SERPINA12: variants seen among roughly 807,000 people sequenced by gnomAD.
The protein encoded by SERPINA12 is serpin A12.
In SERPINA12, 21 loss-of-function variants were observed where a neutral mutation model predicts 25.9. That is an observed-to-expected ratio of 0.81 (90% CI 0.58 to 1.17). The LOEUF (loss-of-function observed/expected upper bound fraction) is 1.17. SERPINA12 is among the 50% of genes most tolerant of loss of function. The pLI is 0.00. For synonymous variants in SERPINA12, 220 were observed against 196.0 expected (o/e 1.12, Z -1.02); for missense variants, 562 against 508.3 (o/e 1.11, Z -1.02).
At chr14:94,513,226 C>T (rs1393602814), upstream of SERPINA12, among the ~76,000 whole-genome samples, 3 of 152,204 alleles carry the variant, frequency 2.0e-5, no homozygotes, top group South Asian at 2.1e-4. Context: ...TGAGTTGCCA[C>T]GGCTTGTTTG....
intron 1 of SERPINA12, among the ~76,000 whole-genome samples, chr14:94,507,952 TAGTA>T (rs1900991574): frequency 6.6e-6 from 1 of 152,218 alleles, no homozygotes; most frequent in South Asian, 2.1e-4. Context: ...TGTCCATTTA[TAGTA>T]GAGAAGGGAG....
upstream of SERPINA12, among the ~76,000 whole-genome samples, chr14:94,513,397 C>A (rs1027357152): frequency 5.3e-5 from 8 of 152,186 alleles, no homozygotes; most frequent in Non-Finnish European, 1.2e-4. Context: ...GAATCTGAAG[C>A]AGAGCGGGAG....
At chr14:94,497,269 C>T (rs1036748332) in intron 2 of SERPINA12, among the ~76,000 whole-genome samples, 2 of 152,188 alleles carry the variant, frequency 1.3e-5, no homozygotes, top group African/African-American at 4.8e-5. Flanking sequence ...TTATATAATA[C>T]ATACATAAGG....
chr14:94,506,619 G>A (rs1956700), intron 1 of SERPINA12, among the ~76,000 whole-genome samples: 7 of 152,188 alleles, frequency 4.6e-5, no homozygotes, highest in African/African-American at 1.2e-4. Context: ...GTGACTTTGG[G>A]CTTCTGGTTC....
At chr14:94,494,758 G>A (rs1428955014) in intron 3 of SERPINA12, among the ~76,000 whole-genome samples, 2 of 152,252 alleles carry the variant, frequency 1.3e-5, no homozygotes, top group Non-Finnish European at 2.9e-5. Context: ...TATGTTTTCT[G>A]TGGGGCAATG....
chr14:94,502,862 C>T (rs967959329), intron 1 of SERPINA12, among the ~76,000 whole-genome samples: 1 of 152,136 alleles, frequency 6.6e-6, no homozygotes, highest in African/African-American at 2.4e-5. Context: ...CCAGACACCC[C>T]TTCCTGCCCC....
At chr14:94,509,971 C>T (rs1901066045), upstream of SERPINA12, 1 of 985,406 alleles carries the variant, frequency 1.0e-6, no homozygotes, top group Non-Finnish European at 1.2e-6. Context: ...CAGATGTTCA[C>T]ATGGCCCTCT....
At chr14:94,498,848 T>G (rs1388196153) in intron 1 of SERPINA12, among the ~76,000 whole-genome samples, 1 of 152,192 alleles carries the variant, frequency 6.6e-6, no homozygotes, top group Non-Finnish European at 1.5e-5. Context: ...TCTCAGTGTC[T>G]TTCTAAGGGA....
At chr14:94,504,004 C>T (rs1376167416) in intron 1 of SERPINA12, 1 of 152,194 alleles carries the variant, frequency 6.6e-6, no homozygotes, top group Non-Finnish European at 1.5e-5. Context: ...TTTTGGAGAT[C>T]CTCTAGAATT....
intron 3 of SERPINA12, among the ~76,000 whole-genome samples, chr14:94,493,519 A>G (rs1022776108): frequency 2.8e-4 from 43 of 152,128 alleles, no homozygotes; most frequent in African/African-American, 1.0e-3. Flanking sequence ...AGAAAAATGG[A>G]AGGAGGTGCC....
intron 2 of SERPINA12, 100 bp downstream of exon 2, chr14:94,497,663 TG>T: frequency 1.8e-6 from 2 of 1,089,058 alleles, no homozygotes; most frequent in Non-Finnish European, 2.6e-6. Context: ...AAATCACATA[TG>T]AATTCAAGGT....
chr14:94,497,917 C>T lies in SERPINA12; in HGVS notation c.481G>A (p.Glu161Lys), dbSNP rs557748313. ...TTCTGAAAGTTGGTAAGGATGGTTT[C>T]GGCACTGTAAAAGTTCTTGGCATCT... The part of the protein sequence containing the change: ...LEDAKNFYSA[E>K]TILTNFQNLE... Residue 161 changes from glutamate to lysine, a missense_variant, in exon 2 of 5, where the codon GAA becomes AAA. Coordinates refer to ENST00000677451, the MANE Select transcript of SERPINA12 (RefSeq NM_001382267.1). 6.4e-5 allele frequency: 104 copies of T among 1,614,152 alleles called. 2 individuals are homozygous for T. The highest frequency in any genetic ancestry group is 4.5e-4 in the South Asian group (41 of 91,076).
chr14:94,503,458 C>T, intron 1 of SERPINA12: 3 of 297,436 alleles, frequency 1.0e-5, no homozygotes, highest in Non-Finnish European at 1.5e-5. Context: ...CAGACTGACT[C>T]TCAGCCCAAC....
intron 1 of SERPINA12, among the ~76,000 whole-genome samples, chr14:94,504,782 T>C (rs1379778751): frequency 1.3e-5 from 2 of 152,242 alleles, no homozygotes; most frequent in Non-Finnish European, 1.5e-5. Context: ...GGTTCTCTTG[T>C]GCTGGGGTGA....
upstream of SERPINA12, among the ~76,000 whole-genome samples, chr14:94,512,999 C>T (rs181723110): frequency 1.3e-4 from 20 of 152,340 alleles, no homozygotes; most frequent in African/African-American, 4.6e-4. Context: ...CCAGTGGGTT[C>T]TATTACCAGC....
chr14:94,504,150 T>C (rs1259065647), intron 1 of SERPINA12: 1 of 152,258 alleles, frequency 6.6e-6, no homozygotes, highest in Admixed American at 6.5e-5. Context: ...AGAAGTCCAC[T>C]GAGCCAGCCA....
intron 3 of SERPINA12, among the ~76,000 whole-genome samples, chr14:94,493,923 C>A (rs1224547242): frequency 3.9e-5 from 6 of 152,176 alleles, no homozygotes; most frequent in Non-Finnish European, 8.8e-5. Flanking sequence ...GTGGTCACAG[C>A]ACCAGGGGCT....
chr14:94,497,993 C>T lies in SERPINA12; in HGVS notation c.405G>A (p.Gly135=), dbSNP rs555452465. The T allele has an allele frequency of 3.1e-6, 5 of 1,614,166 alleles. No individual in the cohort carries two copies. The highest frequency in any genetic ancestry group is 1.6e-4 in the Middle Eastern group (1 of 6,062). Residue 135 remains glycine, a synonymous_variant, in exon 2 of 5, where the codon GGG becomes GGA. Transcript: ENST00000677451. ...GCCTCTGGTCAATGAACAGCGTGTT[C>T]CCAATGCTCAGTTTGAGGTCCTGGG... ...QKTQDLKLSI[G]NTLFIDQRLQ...
chr14:94,516,415 G>A (rs1003679544), intron 1 of SERPINA12, among the ~76,000 whole-genome samples: 5 of 152,158 alleles, frequency 3.3e-5, no homozygotes, highest in East Asian at 1.9e-4. Flanking sequence ...GGAAGGGGCC[G>A]GTGTTCCTCA....
Sources: allele counts gnomAD v4.1 joint callset (sites outside exome capture counted in the v4.1 genomes callset), GRCh38; gene constraint gnomAD v4.1.1; transcripts MANE v1.5; gene names NCBI Gene and HGNC (gene_info 2026-07-23, HGNC 2026-07-21).